The following FRMD4B variants were observed in gnomAD, a reference collection of about 807,000 sequenced individuals.
The protein encoded by FRMD4B is FERM domain-containing protein 4B.
Under a neutral mutation model 141.5 loss-of-function variants are expected in FRMD4B, and 74 were observed. The observed-to-expected ratio is 0.52, with a 90% CI of 0.43 to 0.63. The LOEUF (loss-of-function observed/expected upper bound fraction) is 0.63, where lower values mean the gene tolerates loss of function less well. Among genes scored for constraint, FRMD4B ranks in the 30% least tolerant of loss-of-function variants. The probability of loss-of-function intolerance (pLI) is 0.00; values close to 1 mark genes in which losing one functional copy is unlikely to be tolerated. For synonymous variants in FRMD4B, 506 were observed against 467.9 expected (o/e 1.08, Z -1.05); for missense variants, 1,366 against 1,253.4 (o/e 1.09, Z -1.36).
chr3:69,263,313 G>C (rs1254024459), intron 5 of FRMD4B, among the ~76,000 whole-genome samples: 1 of 151,402 alleles, frequency 6.6e-6, no homozygotes, highest in African/African-American at 2.4e-5. Flanking sequence ...AATAAGGACT[G>C]TAAGAGAAAA....
At chr3:69,537,052 A>T (rs1350829543) in intron 1 of FRMD4B, among the ~76,000 whole-genome samples, 2 of 152,230 alleles carry the variant, frequency 1.3e-5, no homozygotes, top group Non-Finnish European at 2.9e-5. Context: ...CCCACCAGGA[A>T]TTCTTTATCA....
intron 1 of FRMD4B, among the ~76,000 whole-genome samples, chr3:69,376,262 A>G (rs945358907): frequency 1.3e-5 from 2 of 152,302 alleles, no homozygotes; most frequent in Middle Eastern, 3.4e-3. Flanking sequence ...AGTAACCAAA[A>G]CAAACATGGC....
intron 1 of FRMD4B, among the ~76,000 whole-genome samples, chr3:69,350,922 T>C (rs1357031462): frequency 6.6e-6 from 1 of 152,022 alleles, no homozygotes; most frequent in African/African-American, 2.4e-5. Flanking sequence ...ATGGCACATG[T>C]ATACATATGT....
intron 2 of FRMD4B, among the ~76,000 whole-genome samples, chr3:69,407,998 CTT>C (rs1266415815): frequency 6.6e-6 from 1 of 152,088 alleles, no homozygotes; most frequent in Non-Finnish European, 1.5e-5. Flanking sequence ...GCTCAGCACA[CTT>C]TTTAAAAATA....
chr3:69,190,282 G>C (rs1007201307), intron 17 of FRMD4B, among the ~76,000 whole-genome samples: 1 of 151,960 alleles, frequency 6.6e-6, no homozygotes, highest in Non-Finnish European at 1.5e-5. Context: ...CAACAAACTG[G>C]AAAGAAAAAA....
intron 1 of FRMD4B, among the ~76,000 whole-genome samples, chr3:69,339,461 C>T (rs911673632): frequency 1.3e-5 from 2 of 152,042 alleles, no homozygotes; most frequent in Non-Finnish European, 2.9e-5. Context: ...CAGTATCTGC[C>T]CCACAGAACT....
chr3:69,257,566 C>T (rs2093500318), intron 5 of FRMD4B, among the ~76,000 whole-genome samples: 1 of 152,114 alleles, frequency 6.6e-6, no homozygotes, highest in Non-Finnish European at 1.5e-5. Context: ...TTTATACTAA[C>T]CTTAATCTTG....
intron 5 of FRMD4B, among the ~76,000 whole-genome samples, chr3:69,286,246 A>G (rs1700685334): frequency 6.6e-6 from 1 of 152,238 alleles, no homozygotes; most frequent in Admixed American, 6.5e-5. Flanking sequence ...ATGGGTAAAT[A>G]TGTAAGACTT....
intron 13 of FRMD4B, 185 bp from the exon 14 acceptor site, chr3:69,196,581 T>C: frequency 3.4e-6 from 2 of 596,248 alleles, no homozygotes; most frequent in Non-Finnish European, 5.8e-6. Flanking sequence ...TTAAAATGTT[T>C]TAATAACTAT....
At chr3:69,174,396 T>C (rs892041623) in intron 22 of FRMD4B, among the ~76,000 whole-genome samples, 10 of 152,208 alleles carry the variant, frequency 6.6e-5, no homozygotes, top group Non-Finnish European at 1.3e-4. Context: ...TAAAACTGTA[T>C]GTACAATATC....
chr3:69,348,004 G>A (rs1703004350), intron 1 of FRMD4B, among the ~76,000 whole-genome samples: 1 of 152,150 alleles, frequency 6.6e-6, no homozygotes, highest in African/African-American at 2.4e-5. Context: ...GAAGGAGATA[G>A]AGACACTAAA....
chr3:69,478,536 G>A (rs1706044816), intron 1 of FRMD4B, among the ~76,000 whole-genome samples: 1 of 152,170 alleles, frequency 6.6e-6, no homozygotes, highest in Non-Finnish European at 1.5e-5. Flanking sequence ...TCTTAATCCT[G>A]AGTTCTAGTT....
chr3:69,485,394 G>T (rs1706198360), intron 1 of FRMD4B, among the ~76,000 whole-genome samples: 1 of 152,138 alleles, frequency 6.6e-6, no homozygotes, highest in East Asian at 1.9e-4. Context: ...CACCAGGGTG[G>T]GGGGCTCCTG....
intron 2 of FRMD4B, among the ~76,000 whole-genome samples, chr3:69,422,090 TTA>T (rs1704991265): frequency 6.6e-6 from 1 of 152,170 alleles, no homozygotes; most frequent in Admixed American, 6.5e-5. Context: ...AAATCTAAAC[TTA>T]TATTAAAAGG....
At chr3:69,353,183 C>A (rs1453224199) in intron 1 of FRMD4B, among the ~76,000 whole-genome samples, 1 of 151,950 alleles carries the variant, frequency 6.6e-6, no homozygotes. Flanking sequence ...TGCCAAAGTT[C>A]TAAAGCAAAA....
intron 1 of FRMD4B, among the ~76,000 whole-genome samples, chr3:69,515,957 G>A (rs756176292): frequency 1.3e-5 from 2 of 152,080 alleles, no homozygotes; most frequent in African/African-American, 4.8e-5. Flanking sequence ...TGTCTTGGCC[G>A]GTTGCAGTGG....
intron 2 of FRMD4B, among the ~76,000 whole-genome samples, chr3:69,395,962 T>C (rs915239975): frequency 1.3e-5 from 2 of 152,198 alleles, no homozygotes; most frequent in Non-Finnish European, 2.9e-5. Context: ...TAAGGTAGAC[T>C]TCCTCACCCT....
chr3:69,181,122 T>G lies in FRMD4B; in HGVS notation c.2628A>C (p.Pro876=), dbSNP rs780094507. 2 of 1,613,998 alleles carry G rather than the reference T, an allele frequency of 1.2e-6. No individual in the cohort carries two copies. Among genetic ancestry groups the G allele is most frequent in the Admixed American group, 3.3e-5 (2 of 60,022 alleles). Residue 876 remains proline, a synonymous_variant, in exon 21 of 23, where the codon CCA becomes CCC. Transcript: ENST00000398540. ...GCTCCGATTTTGCAGCAGCCTTCCTTGGCAGCCGGAGAGTTGCATATGGGT... is the reference window on the plus strand; with the variant it reads ...GCTCCGATTTTGCAGCAGCCTTCCTGGGCAGCCGGAGAGTTGCATATGGGT... ...PHNPYATLRL[P]RKAAAKSEHI... is the part of the protein sequence containing the mutation.
chr3:69,481,215 C>T (rs146749446), intron 1 of FRMD4B, among the ~76,000 whole-genome samples: 5,134 of 152,010 alleles, frequency 0.034, 279 homozygotes, highest in African/African-American at 0.12. Flanking sequence ...GTGCTGCACC[C>T]ACTGTCCTGC....
Sources: gnomAD v4.1 joint callset for allele counts (sites outside exome capture counted in the v4.1 genomes callset) on GRCh38, gnomAD v4.1.1 for gene constraint, MANE v1.5 for transcripts, NCBI Gene and HGNC (gene_info 2026-07-23, HGNC 2026-07-21) for gene names.